FARS2: variants seen among roughly 807,000 people sequenced by gnomAD.
FARS2 encodes phenylalanine--tRNA ligase, mitochondrial.
Under a neutral mutation model 46.4 loss-of-function variants are expected in FARS2, and 40 were observed. The ratio of observed to expected loss-of-function variants is 0.86; its 90% CI spans 0.67 to 1.12. FARS2 has a LOEUF of 1.12. FARS2 is among the 50% of genes most tolerant of loss of function. FARS2 has a pLI of 0.00. For missense variants in FARS2, 513 were observed against 567.9 expected (o/e 0.90, Z 0.98); for synonymous variants, 234 against 214.9 (o/e 1.09, Z -0.78).
At chr6:5,466,114 C>T (rs571898248) in intron 4 of FARS2, among the ~76,000 whole-genome samples, 7 of 152,248 alleles carry the variant, frequency 4.6e-5, no homozygotes, top group Middle Eastern at 3.4e-3. Context: ...ATGGGTAATG[C>T]GTAGCTCTCT....
chr6:5,719,444 G>GAGAAAGAT (rs1561819402), intron 6 of FARS2, among the ~76,000 whole-genome samples: 1 of 149,716 alleles, frequency 6.7e-6, no homozygotes, highest in African/African-American at 2.5e-5. Context: ...GAAAGAAAGA[G>GAGAAAGAT]AGAAAGAGAT....
chr6:5,558,627 C>T (rs981257014), intron 5 of FARS2, among the ~76,000 whole-genome samples: 2 of 151,986 alleles, frequency 1.3e-5, no homozygotes, highest in African/African-American at 2.4e-5. Context: ...AACTCTGCCT[C>T]GCGGGTTCAT....
chr6:5,264,826 C>A (rs991436844), intron 1 of FARS2, among the ~76,000 whole-genome samples: 2 of 152,112 alleles, frequency 1.3e-5, no homozygotes, highest in Admixed American at 1.3e-4. Flanking sequence ...GAGACAGGGT[C>A]TCTGTTTACT....
intron 1 of FARS2, among the ~76,000 whole-genome samples, chr6:5,305,534 G>A (rs1768635678): frequency 1.3e-5 from 2 of 152,164 alleles, no homozygotes; most frequent in Non-Finnish European, 2.9e-5. Context: ...TGCCAGCAGA[G>A]ACCTTTGACT....
At chr6:5,688,033 T>G (rs1405116690) in intron 6 of FARS2, among the ~76,000 whole-genome samples, 6 of 152,228 alleles carry the variant, frequency 3.9e-5, no homozygotes, top group Non-Finnish European at 8.8e-5. Flanking sequence ...ATACTTGTGA[T>G]TTTTGCACAT....
chr6:5,622,777 A>T (rs747850360), intron 6 of FARS2, among the ~76,000 whole-genome samples: 1 of 152,198 alleles, frequency 6.6e-6, no homozygotes, highest in Non-Finnish European at 1.5e-5. Flanking sequence ...ATGCGTTTCT[A>T]TTGTGTATTA....
intron 4 of FARS2, among the ~76,000 whole-genome samples, chr6:5,474,663 G>GTTTTTTTT (rs760857089): frequency 1.5e-5 from 2 of 133,948 alleles, no homozygotes; most frequent in Admixed American, 7.9e-5. Context: ...ATACAGTACT[G>GTTTTTTTT]TTTTTTTTTT....
At position 5,465,577 on chromosome 6, in the gene FARS2, G is replaced by C. The variant is rs79205734; in HGVS notation, c.904+34405G>C. On this transcript the variant is annotated intron_variant, in intron 4 of 6. Coordinates refer to ENST00000274680, the MANE Select transcript of FARS2 (RefSeq NM_006567.5). Reference sequence around the variant, plus strand: ...GACCCCCTGGTCTTTCCATTTATCTGTTTCATCCCCATTAACACTGATGGA... The same window carrying C: ...GACCCCCTGGTCTTTCCATTTATCTCTTTCATCCCCATTAACACTGATGGA... Among the ~76,000 whole-genome samples the C allele has an allele frequency of 9.5e-3, 1,443 of 152,146 alleles. 19 individuals carry two copies. The highest frequency in any genetic ancestry group is 0.033 in the African/African-American group (1,353 of 41,496).
chr6:5,484,581 T>C (rs753102804), intron 4 of FARS2, among the ~76,000 whole-genome samples: 2 of 152,238 alleles, frequency 1.3e-5, no homozygotes, highest in Non-Finnish European at 2.9e-5. Flanking sequence ...CAGTGAAGTT[T>C]AGAGCATAAG....
At chr6:5,367,729 T>C (rs1169139811) in intron 1 of FARS2, among the ~76,000 whole-genome samples, 1 of 152,134 alleles carries the variant, frequency 6.6e-6, no homozygotes, top group African/African-American at 2.4e-5. Flanking sequence ...TTCTGGTTAA[T>C]TGTGGGTGTG....
chr6:5,410,810 ATTC>A (rs1446667342), intron 3 of FARS2, among the ~76,000 whole-genome samples: 6 of 152,188 alleles, frequency 3.9e-5, no homozygotes, highest in Admixed American at 1.3e-4. Context: ...TTAGTGCTAC[ATTC>A]TTCTTAAATG....
At chr6:5,530,227 A>T (rs1769736861) in intron 4 of FARS2, among the ~76,000 whole-genome samples, 2 of 152,196 alleles carry the variant, frequency 1.3e-5, no homozygotes, top group Non-Finnish European at 2.9e-5. Context: ...CAGAACCTGA[A>T]TCCAATCATG....
chr6:5,677,988 A>G (rs1396225523), intron 6 of FARS2, among the ~76,000 whole-genome samples: 1 of 152,160 alleles, frequency 6.6e-6, no homozygotes, highest in East Asian at 1.9e-4. Context: ...AAATGGATGG[A>G]TGTGGAAAAC....
chr6:5,634,159 GTTA>G (rs1776428898), intron 6 of FARS2, among the ~76,000 whole-genome samples: 1 of 151,948 alleles, frequency 6.6e-6, no homozygotes, highest in African/African-American at 2.4e-5. Context: ...ATCTGGAATT[GTTA>G]TTAAGATATT....
chr6:5,389,885 G>A (rs929658170), intron 2 of FARS2, among the ~76,000 whole-genome samples: 2 of 151,924 alleles, frequency 1.3e-5, no homozygotes, highest in Non-Finnish European at 2.9e-5. Flanking sequence ...TTTTTCCTGA[G>A]AGAGGGTGTC....
At chr6:5,568,595 C>T (rs1001521165) in intron 5 of FARS2, among the ~76,000 whole-genome samples, 4 of 152,106 alleles carry the variant, frequency 2.6e-5, no homozygotes, top group Non-Finnish European at 5.9e-5. Context: ...TGAGCAAAGT[C>T]CTGGAGGCGT....
In FARS2 at chr6:5,588,861, G is replaced by A. The variant is rs146171571; in HGVS notation, c.1066-24308G>A. Among the ~76,000 whole-genome samples, 1,345 of 152,284 alleles carry A rather than the reference G, an allele frequency of 8.8e-3. 10 individuals are homozygous for A. Among genetic ancestry groups the A allele is most frequent in the South Asian group, 0.016 (76 of 4,832 alleles). ...GTTCTGTTTTTCATCCTAAGGCCAC[G>A]CCTGCCTGTCTTTCTACACCTTTGT... On this transcript the variant is annotated intron_variant, in intron 5 of 6. Coordinates refer to ENST00000274680, the MANE Select transcript of FARS2 (RefSeq NM_006567.5).
the FARS2 span, among the ~76,000 whole-genome samples, chr6:5,250,627 C>T: frequency 6.6e-6 from 1 of 152,152 alleles, no homozygotes; most frequent in Non-Finnish European, 1.5e-5. Context: ...CTCTAGTTGC[C>T]TGTGGAGCAT....
At chr6:5,657,420 A>G (rs949030534) in intron 6 of FARS2, among the ~76,000 whole-genome samples, 2 of 152,194 alleles carry the variant, frequency 1.3e-5, no homozygotes, top group African/African-American at 4.8e-5. Context: ...TAGAATAGGA[A>G]ATGACATGGA....
Sources: gnomAD v4.1 joint callset for allele counts (sites outside exome capture counted in the v4.1 genomes callset) on GRCh38, gnomAD v4.1.1 for gene constraint, MANE v1.5 for transcripts, NCBI Gene and HGNC (gene_info 2026-07-23, HGNC 2026-07-21) for gene names.